The following CDH12 variants were observed in gnomAD, a reference collection of about 807,000 sequenced individuals.
CDH12 encodes the protein cadherin-12.
A neutral mutation model predicts 74.1 loss-of-function variants in CDH12; 41 were observed. The ratio of observed to expected loss-of-function variants is 0.55; its 90% CI spans 0.43 to 0.72. The LOEUF (loss-of-function observed/expected upper bound fraction) is 0.72. Ranked by LOEUF, CDH12 falls within the 30% of genes least tolerant of loss-of-function variation. CDH12 has a pLI of 0.00. For missense variants in CDH12, 945 were observed against 977.2 expected, an observed-to-expected ratio of 0.97 and a Z score of 0.44; for synonymous variants, 399 against 355.0, an observed-to-expected ratio of 1.12 and a Z score of -1.39.
At chr5:21,834,067 T>C (rs1234416824) in intron 8 of CDH12, among the ~76,000 whole-genome samples, 2 of 152,004 alleles carry the variant, frequency 1.3e-5, no homozygotes, top group African/African-American at 4.8e-5. Context: ...TCAAATGTGA[T>C]GACTCTATTT....
At chr5:21,960,954 C>T (rs1310089364) in intron 6 of CDH12, among the ~76,000 whole-genome samples, 1 of 152,042 alleles carries the variant, frequency 6.6e-6, no homozygotes, top group African/African-American at 2.4e-5. Context: ...TATTTAATGG[C>T]CGAGACTACA....
chr5:22,476,089 T>C (rs1208937993), intron 2 of CDH12, among the ~76,000 whole-genome samples: 2 of 152,130 alleles, frequency 1.3e-5, no homozygotes, highest in Admixed American at 6.5e-5. Flanking sequence ...TCTGTTTTTA[T>C]ATGAATTTGA....
At chr5:22,026,866 C>T (rs1471003504) in intron 5 of CDH12, among the ~76,000 whole-genome samples, 1 of 152,142 alleles carries the variant, frequency 6.6e-6, no homozygotes, top group Admixed American at 6.6e-5. Flanking sequence ...CTGTACTGGC[C>T]TACCAGCAGA....
intron 1 of CDH12, among the ~76,000 whole-genome samples, chr5:22,535,298 G>A (rs1464356620): frequency 2.0e-5 from 3 of 151,852 alleles, no homozygotes; most frequent in South Asian, 2.1e-4. Context: ...GGGACTACAG[G>A]CGCCCGCTAC....
At chr5:21,921,906 A>G (rs1199204035) in intron 6 of CDH12, among the ~76,000 whole-genome samples, 3 of 152,170 alleles carry the variant, frequency 2.0e-5, no homozygotes, top group Non-Finnish European at 1.5e-5. Context: ...ATTTCTTTGC[A>G]TTGCCTCAAA....
intron 1 of CDH12, among the ~76,000 whole-genome samples, chr5:22,730,205 C>G (rs147518053): frequency 2.7e-4 from 41 of 151,740 alleles, no homozygotes; most frequent in African/African-American, 9.6e-4. Flanking sequence ...ACAACAACAA[C>G]AAAAACCCAG....
In CDH12 at chr5:22,119,868, C is replaced by G. The variant is rs145418716; in HGVS notation, c.-186-41006G>C. ...GGTTTGCTTGGAGATAAGTGATTTC[C>G]ATTGTTAAACATTGGTATTATTCTC... On this transcript the variant is annotated intron_variant, in intron 4 of 14. Coordinates refer to ENST00000382254, the MANE Select transcript of CDH12 (RefSeq NM_004061.5). Among the ~76,000 whole-genome samples the G allele has an allele frequency of 4.0e-4, 61 of 152,204 alleles. No individual in the cohort carries two copies. The East Asian group carries it at 0.011, about 28-fold the overall frequency.
At chr5:21,792,960 T>C (rs1401566180) in intron 10 of CDH12, among the ~76,000 whole-genome samples, 5 of 151,764 alleles carry the variant, frequency 3.3e-5, no homozygotes, top group Admixed American at 2.6e-4. Flanking sequence ...ACTAAATAAG[T>C]AAAGAATGTG....
chr5:22,633,002 T>G (rs1346702068), intron 1 of CDH12, among the ~76,000 whole-genome samples: 1 of 152,022 alleles, frequency 6.6e-6, no homozygotes, highest in Non-Finnish European at 1.5e-5. Context: ...TCAATGAAAT[T>G]AACAGCTGAC....
At chr5:21,783,639 T>C in intron 10 of CDH12, 145 bp from the exon 11 acceptor site, 1 of 628,610 alleles carries the variant, frequency 1.6e-6, no homozygotes, top group South Asian at 2.0e-5. Flanking sequence ...TGACAGCTTC[T>C]TTATTGCAAA....
chr5:21,765,455 G>A (rs994259865), intron 11 of CDH12, among the ~76,000 whole-genome samples: 39 of 150,310 alleles, frequency 2.6e-4, no homozygotes, highest in Non-Finnish European at 5.0e-4. Flanking sequence ...TAATGAAAAC[G>A]TTATTGGTTG....
chr5:22,373,517 T>C (rs1459273482), intron 3 of CDH12, among the ~76,000 whole-genome samples: 7 of 152,206 alleles, frequency 4.6e-5, no homozygotes, highest in Non-Finnish European at 2.9e-5. Context: ...AAAGCCAGCA[T>C]ACAGTGTTCT....
At chr5:22,695,874 T>A (rs1742331130) in intron 1 of CDH12, among the ~76,000 whole-genome samples, 1 of 152,186 alleles carries the variant, frequency 6.6e-6, no homozygotes, top group Non-Finnish European at 1.5e-5. Context: ...CTTTCCCTAT[T>A]TTTTCAAGTC....
intron 11 of CDH12, among the ~76,000 whole-genome samples, chr5:21,771,478 C>T (rs1408307105): frequency 1.3e-5 from 2 of 152,178 alleles, no homozygotes; most frequent in Admixed American, 1.3e-4. Flanking sequence ...CACCAATATA[C>T]TTCTGTGATT....
chr5:21,882,519 A>G, intron 6 of CDH12: 1 of 853,372 alleles, frequency 1.2e-6, no homozygotes, highest in Non-Finnish European at 2.0e-6. Context: ...ATATATTAGC[A>G]CTCTGTCCCT....
chr5:22,729,563 G>A (rs185455875), intron 1 of CDH12, among the ~76,000 whole-genome samples: 1 of 151,810 alleles, frequency 6.6e-6, no homozygotes, highest in African/African-American at 2.4e-5. Context: ...ATCATCTTGG[G>A]GACTGTACTT....
chr5:22,360,340 A>C (rs10068747), intron 3 of CDH12, among the ~76,000 whole-genome samples: 6,550 of 152,306 alleles, frequency 0.043, 310 homozygotes, highest in East Asian at 0.12. Context: ...GAAGAAATGG[A>C]TAAATTCCTC....
chr5:21,982,205 C>T (rs1418170737), intron 5 of CDH12, among the ~76,000 whole-genome samples: 4 of 152,092 alleles, frequency 2.6e-5, no homozygotes, highest in Non-Finnish European at 5.9e-5. Context: ...CAAACCCCTC[C>T]GTGAGTGACA....
chr5:22,152,928 C>A (rs1412882644), intron 4 of CDH12, among the ~76,000 whole-genome samples: 3 of 152,136 alleles, frequency 2.0e-5, no homozygotes, highest in Non-Finnish European at 4.4e-5. Context: ...CCATGTGCAA[C>A]CCCCTAGGTT....
Sources: gnomAD v4.1 joint callset for allele counts (sites outside exome capture counted in the v4.1 genomes callset) on GRCh38, gnomAD v4.1.1 for gene constraint, MANE v1.5 for transcripts, NCBI Gene and HGNC (gene_info 2026-07-23, HGNC 2026-07-21) for gene names.